The following GPATCH1 variants were observed in gnomAD, a reference collection of about 807,000 sequenced individuals.
GPATCH1 encodes the protein G patch domain-containing protein 1.
In GPATCH1, 73 loss-of-function variants were observed where a neutral mutation model predicts 114.9. That is an observed-to-expected ratio of 0.64 (90% CI 0.53 to 0.77). GPATCH1 has a LOEUF of 0.77. Ranked by LOEUF, GPATCH1 falls within the 30% of genes least tolerant of loss-of-function variation. The probability of loss-of-function intolerance (pLI) is 0.00; values close to 1 mark genes in which losing one functional copy is unlikely to be tolerated. For synonymous variants in GPATCH1, 391 were observed against 428.4 expected (o/e 0.91, Z 1.08); for missense variants, 1,058 against 1,144.3 (o/e 0.92, Z 1.09).
intron 11 of GPATCH1, among the ~76,000 whole-genome samples, chr19:33,111,373 G>A (rs1972850729): frequency 7.5e-6 from 1 of 133,968 alleles, no homozygotes; most frequent in South Asian, 2.7e-4. Context: ...GACAGAGTGA[G>A]ACTCCATCTC....
chr19:33,090,213 GTC>G (rs1972578888), intron 2 of GPATCH1, among the ~76,000 whole-genome samples: 1 of 152,234 alleles, frequency 6.6e-6, no homozygotes. Context: ...GGATTCCAGT[GTC>G]TGTTGAAACT....
intron 8 of GPATCH1, among the ~76,000 whole-genome samples, chr19:33,099,452 C>G (rs1395725180): frequency 2.6e-5 from 4 of 151,990 alleles, no homozygotes; most frequent in African/African-American, 9.7e-5. Context: ...CGAGCCTGTC[C>G]TTGTCCCTCT....
intron 13 of GPATCH1, 101 bp from the exon 14 acceptor site, chr19:33,113,666 A>G: frequency 1.1e-6 from 1 of 930,710 alleles, no homozygotes; most frequent in Non-Finnish European, 1.7e-6. Flanking sequence ...GAGACTTTTT[A>G]GTCATGCAGA....
At chr19:33,101,991 T>C (rs893709948) in intron 9 of GPATCH1, among the ~76,000 whole-genome samples, 1 of 143,854 alleles carries the variant, frequency 7.0e-6, no homozygotes. Flanking sequence ...ATCACACCAC[T>C]GCACTCCAGC....
intron 9 of GPATCH1, among the ~76,000 whole-genome samples, chr19:33,102,290 G>T: frequency 6.6e-6 from 1 of 151,626 alleles, no homozygotes; most frequent in East Asian, 1.9e-4. Context: ...AGCCAAGATC[G>T]CACCATTGCA....
At chr19:33,095,669 T>C (rs1972648970) in intron 5 of GPATCH1, 93 bp from the exon 6 acceptor site, 1 of 833,196 alleles carries the variant, frequency 1.2e-6, no homozygotes. Context: ...CCCAGAGTGC[T>C]GGGATTACAG....
chr19:33,086,490 G>A (rs1478601353), intron 1 of GPATCH1, among the ~76,000 whole-genome samples: 1 of 151,968 alleles, frequency 6.6e-6, no homozygotes, highest in East Asian at 1.9e-4. Flanking sequence ...TTTTGAGACA[G>A]AATCTCACTC....
In GPATCH1 at chr19:33,090,065, A is replaced by AGGTG. The variant is rs576138855; in HGVS notation, c.209-714_209-711dup. On this transcript the variant is annotated intron_variant, in intron 2 of 19. Transcript: ENST00000170564. ...GGGCCCTTGGAGAGAATCAGGAAGG[A>AGGTG]GGTGCAACCCTCTTAGAGAAAACTA... is the stretch of plus-strand genomic sequence containing the variant. Among the ~76,000 whole-genome samples, 241 of 152,336 alleles carry AGGTG rather than the reference A, an allele frequency of 1.6e-3. 1 individual carries two copies. Among genetic ancestry groups the AGGTG allele is most frequent in the African/African-American group, 5.6e-3 (231 of 41,580 alleles).
At chr19:33,116,750 C>T (rs896137822) in intron 15 of GPATCH1, among the ~76,000 whole-genome samples, 17 of 152,216 alleles carry the variant, frequency 1.1e-4, no homozygotes, top group South Asian at 2.1e-4. Context: ...AGGATGGTCT[C>T]GATCTCCTGA....
chr19:33,125,257 C>T, intron 18 of GPATCH1, 55 bp downstream of exon 18: 3 of 1,554,580 alleles, frequency 1.9e-6, no homozygotes, highest in Non-Finnish European at 2.6e-6. Context: ...CGCTGGTCAG[C>T]CCCCAGGAGT....
intron 17 of GPATCH1, among the ~76,000 whole-genome samples, chr19:33,124,058 T>G (rs1179492441): frequency 1.3e-5 from 2 of 152,042 alleles, no homozygotes; most frequent in Non-Finnish European, 2.9e-5. Flanking sequence ...TTCACCGTGT[T>G]GGCCAAGCTG....
At chr19:33,116,730 T>C (rs1449761123) in intron 15 of GPATCH1, among the ~76,000 whole-genome samples, 1 of 152,092 alleles carries the variant, frequency 6.6e-6, no homozygotes, top group African/African-American at 2.4e-5. Flanking sequence ...GGGGTTTTAC[T>C]GTGTTAGCCA....
At position 33,109,978 on chromosome 19, in the gene GPATCH1, A is replaced by G. The variant is rs374582557; in HGVS notation, c.1547A>G (p.Tyr516Cys). ...AAAGATCCGGAAAAGCAAAAGCGAT[A>G]CGACGAGTTCTTAGTACACATGAAA... ...FAKDPEKQKR[Y>C]DEFLVHMKQG... The change falls in exon 11 of 20, where the codon TAC becomes TGC. Residue 516 changes from tyrosine to cysteine, a missense_variant. By Grantham distance (194) the Tyr-to-Cys change is radical. Transcript: ENST00000170564. 1 of 1,613,800 alleles carries G rather than the reference A, an allele frequency of 6.2e-7. No homozygotes were observed. Among genetic ancestry groups the G allele is most frequent in the Non-Finnish European group, 8.5e-7 (1 of 1,179,884 alleles).
intron 9 of GPATCH1, among the ~76,000 whole-genome samples, chr19:33,102,817 A>T (rs1485866715): frequency 6.6e-6 from 1 of 152,252 alleles, no homozygotes; most frequent in Non-Finnish European, 1.5e-5. Context: ...AGTAGAAAAC[A>T]TTCAGAAAGC....
At chr19:33,105,183 G>A in intron 9 of GPATCH1, among the ~76,000 whole-genome samples, 1 of 152,076 alleles carries the variant, frequency 6.6e-6, no homozygotes, top group East Asian at 1.9e-4. Context: ...TGTAATTCCA[G>A]CACATTGGGA....
intron 17 of GPATCH1, among the ~76,000 whole-genome samples, chr19:33,122,201 T>C (rs1388381472): frequency 6.6e-6 from 1 of 151,930 alleles, no homozygotes; most frequent in Non-Finnish European, 1.5e-5. Context: ...AGAGACGGGG[T>C]TTTACCATGT....
intron 9 of GPATCH1, among the ~76,000 whole-genome samples, chr19:33,103,255 G>T (rs1159574764): frequency 1.3e-5 from 2 of 152,218 alleles, no homozygotes; most frequent in Non-Finnish European, 2.9e-5. Context: ...GAGGCCAGGG[G>T]ACAGTTTTGA....
In GPATCH1 at chr19:33,093,537, A is replaced by G; in HGVS notation, c.455+18A>G. 6.2e-7 allele frequency: 1 copy of G among 1,606,342 alleles called. No individual in the cohort carries two copies. ...CCAGCAAAGTGAGCATTTCCTTCTG[A>G]CTGTCATGATCTTAGCACCGGTGTT... On this transcript the variant is annotated intron_variant, in intron 4 of 19. Coordinates refer to ENST00000170564, the MANE Select transcript of GPATCH1 (RefSeq NM_018025.3).
chr19:33,096,292 T>C lies in GPATCH1; in HGVS notation c.698T>C (p.Val233Ala). The C allele has an allele frequency of 6.2e-7, 1 of 1,614,166 alleles. No homozygotes were observed. Among genetic ancestry groups the C allele is most frequent in the Non-Finnish European group, 8.5e-7 (1 of 1,179,994 alleles). ...TPVDFTPKDNVHGLAYKGLDP... is the reference protein window; with the variant it reads ...TPVDFTPKDNAHGLAYKGLDP... ...GTGGATTTCACACCTAAAGATAATGTGCATGGTCTAGCTTACAAGGGCCTG... is the reference window on the plus strand; with the variant it reads ...GTGGATTTCACACCTAAAGATAATGCGCATGGTCTAGCTTACAAGGGCCTG... Residue 233 changes from valine to alanine, a missense_variant, in exon 7 of 20, where the codon GTG (valine) becomes GCG (alanine). Around this residue, in one of 3 missense-constraint regions of GPATCH1, gnomAD observed 893 missense variants for 977.4 expected, o/e 0.91. Coordinates refer to ENST00000170564, the MANE Select transcript of GPATCH1 (RefSeq NM_018025.3).
Sources: allele counts gnomAD v4.1 joint callset (sites outside exome capture counted in the v4.1 genomes callset), GRCh38; gene constraint gnomAD v4.1.1; regional missense constraint gnomAD v4.1.1; transcripts MANE v1.5; gene names NCBI Gene and HGNC (gene_info 2026-07-23, HGNC 2026-07-21).